Variants in CRB1 observed in about 807,000 individuals in gnomAD.
CRB1 encodes the protein protein crumbs homolog 1.
CRB1 carries 83 observed loss-of-function variants against 120.0 expected under a neutral mutation model. That is an observed-to-expected ratio of 0.69 (90% CI 0.58 to 0.83). The LOEUF (loss-of-function observed/expected upper bound fraction) is 0.83. CRB1 is among the 40% of genes least tolerant of loss of function. The pLI is 0.00. For missense variants in CRB1, 1,699 were observed against 1,687.6 expected (o/e 1.01, Z -0.12); for synonymous variants, 625 against 612.5 (o/e 1.02, Z -0.30).
intron 5 of CRB1, among the ~76,000 whole-genome samples, chr1:197,416,084 T>A (rs1422547122): frequency 1.3e-5 from 2 of 152,222 alleles, no homozygotes; most frequent in Non-Finnish European, 2.9e-5. Flanking sequence ...TCACTTAGAA[T>A]CTATTGTGTA....
At chr1:197,337,524 G>A (rs983301234) in intron 2 of CRB1, among the ~76,000 whole-genome samples, 3 of 152,134 alleles carry the variant, frequency 2.0e-5, no homozygotes, top group Non-Finnish European at 4.4e-5. Context: ...TGATGAGAAT[G>A]AAATGGATTA....
At chr1:197,343,909 C>A (rs1227134302) in intron 2 of CRB1, among the ~76,000 whole-genome samples, 1 of 152,196 alleles carries the variant, frequency 6.6e-6, no homozygotes, top group Non-Finnish European at 1.5e-5. Flanking sequence ...TGAGCTCTTA[C>A]CCACTGTTCT....
chr1:197,438,061 T>C (rs1665246256), intron 9 of CRB1: 1 of 185,886 alleles, frequency 5.4e-6, no homozygotes, highest in African/African-American at 2.4e-5. Context: ...TTCGAAGCTA[T>C]GAATTATTAC....
chr1:197,244,845 C>T, the CRB1 span, among the ~76,000 whole-genome samples: 1 of 151,736 alleles, frequency 6.6e-6, no homozygotes. Flanking sequence ...ATTCCTTATG[C>T]TTAGTGTATT....
At chr1:197,336,453 C>G (rs951716703) in intron 2 of CRB1, among the ~76,000 whole-genome samples, 1 of 151,316 alleles carries the variant, frequency 6.6e-6, no homozygotes, top group Non-Finnish European at 1.5e-5. Context: ...ATTATTATAT[C>G]AAAGAAAAAT....
intron 5 of CRB1, 90 bp downstream of exon 5, chr1:197,357,103 C>A: frequency 2.3e-6 from 3 of 1,315,400 alleles, no homozygotes; most frequent in Non-Finnish European, 3.3e-6. Flanking sequence ...GCAGGAAGAG[C>A]TGTACTGTGT....
the CRB1 span, among the ~76,000 whole-genome samples, chr1:197,262,996 G>A: frequency 3.9e-5 from 6 of 152,102 alleles, no homozygotes; most frequent in Non-Finnish European, 8.8e-5. Flanking sequence ...ACATATGATT[G>A]CATGTGTATT....
chr1:197,411,728 A>G (rs1663723145), intron 5 of CRB1, among the ~76,000 whole-genome samples: 1 of 152,168 alleles, frequency 6.6e-6, no homozygotes, highest in African/African-American at 2.4e-5. Flanking sequence ...AGGTTTGTGT[A>G]TAAGTATATA....
chr1:197,282,740 T>C (rs1474971814), intron 1 of CRB1, among the ~76,000 whole-genome samples: 1 of 151,920 alleles, frequency 6.6e-6, no homozygotes, highest in Non-Finnish European at 1.5e-5. Flanking sequence ...CAATGTCTTG[T>C]AAAACTATTA....
At position 197,421,817 on chromosome 1, in the gene CRB1, A is replaced by G. The variant is rs557541175; in HGVS notation, c.1989A>G (p.Ser663=). The G allele has an allele frequency of 1.8e-5, 29 of 1,614,214 alleles. No individual in the cohort carries two copies. The South Asian group carries it at 3.2e-4, about 18-fold the overall frequency. ...ITLENISSGS[S]LNVKAGCVRK... ...TGGAGAACATCTCGTCTGGCTCATC[A>G]TTAAATGTCAAGGCAGGCTGTGTGA... is the stretch of plus-strand genomic sequence containing the variant. The change falls in exon 6 of 12, where the codon TCA becomes TCG. Residue 663 remains serine, a synonymous_variant. Coordinates refer to ENST00000367400, the MANE Select transcript of CRB1 (RefSeq NM_201253.3).
chr1:197,264,598 GA>G (rs1217031353), upstream of CRB1, among the ~76,000 whole-genome samples: 2 of 150,526 alleles, frequency 1.3e-5, no homozygotes, highest in Admixed American at 6.6e-5. Context: ...CAGTGAATAA[GA>G]ACAGTGCATT....
intron 11 of CRB1, among the ~76,000 whole-genome samples, chr1:197,449,508 A>G (rs1011038825): frequency 2.6e-5 from 4 of 152,100 alleles, no homozygotes; most frequent in South Asian, 2.1e-4. Flanking sequence ...GTGGGATTAC[A>G]GGCGCCGGCC....
At chr1:197,448,122 G>C (rs1479257229) in intron 11 of CRB1, among the ~76,000 whole-genome samples, 2 of 151,586 alleles carry the variant, frequency 1.3e-5, no homozygotes, top group African/African-American at 4.9e-5. Flanking sequence ...CACATAATTA[G>C]GAACTTATTT....
rs182330997 is a variant in CRB1, at chr1:197,362,669, G to A, written c.1171+5656G>A. On this transcript the variant is annotated intron_variant, in intron 5 of 11. Transcript: ENST00000367400. ...TCTTGCTTTGAAATCTAGTTCATTT[G>A]ATATTGTTATAGCCATTCCTGCCTT... Among the ~76,000 whole-genome samples the A allele has an allele frequency of 3.3e-5, 5 of 151,860 alleles. No individual in the cohort carries two copies. In the East Asian group the frequency reaches 9.7e-4, roughly 29 times the overall value.
At chr1:197,309,208 G>T (rs1235939662) in intron 1 of CRB1, among the ~76,000 whole-genome samples, 13 of 151,800 alleles carry the variant, frequency 8.6e-5, no homozygotes, top group Non-Finnish European at 1.5e-5. Flanking sequence ...AGGCCAGATT[G>T]TTCTATTCCT....
At position 197,423,268 on chromosome 1, in the gene CRB1, A is replaced by G. The variant is rs6428399; in HGVS notation, c.2128+1312A>G. The stretch of plus-strand genomic sequence containing the variant: ...TAGTAAATAGATTCAAGAGATGCCA[A>G]TCCACTGGGTTCTGGTTTTCTTTAT... On this transcript the variant is annotated intron_variant, in intron 6 of 11. Transcript: ENST00000367400. Among the ~76,000 whole-genome samples, 1,052 of 152,300 alleles carry G rather than the reference A, an allele frequency of 6.9e-3. 14 individuals are homozygous for G. The highest frequency in any genetic ancestry group is 0.024 in the African/African-American group (986 of 41,578).
chr1:197,288,972 TAAA>T (rs5779860), intron 1 of CRB1, among the ~76,000 whole-genome samples: 5 of 141,662 alleles, frequency 3.5e-5, no homozygotes, highest in African/African-American at 5.3e-5. Flanking sequence ...ATACATAGGT[TAAA>T]AAAAAAAAAA....
chr1:197,204,829 T>C, the CRB1 span, among the ~76,000 whole-genome samples: 17 of 152,218 alleles, frequency 1.1e-4, no homozygotes, highest in Non-Finnish European at 1.8e-4. Flanking sequence ...TTTGGGTTCT[T>C]GGTCATGAAG....
At chr1:197,406,366 G>A (rs900452849) in intron 5 of CRB1, among the ~76,000 whole-genome samples, 3 of 152,194 alleles carry the variant, frequency 2.0e-5, no homozygotes, top group African/African-American at 7.2e-5. Context: ...TTAAACAGAT[G>A]CTTGAAGGCA....
Sources: allele counts gnomAD v4.1 joint callset (sites outside exome capture counted in the v4.1 genomes callset), GRCh38; gene constraint gnomAD v4.1.1; transcripts MANE v1.5; gene names NCBI Gene and HGNC (gene_info 2026-07-23, HGNC 2026-07-21).